DEFB131B: variants seen among roughly 807,000 people sequenced by gnomAD.
The protein encoded by DEFB131B is defensin beta 131B, also known as beta-defensin 131B.
Under a neutral mutation model 2.1 loss-of-function variants are expected in DEFB131B, and 2 were observed. That is an observed-to-expected ratio of 0.94 (90% CI 0.38 to 2.95). The LOEUF (loss-of-function observed/expected upper bound fraction) is 2.95. Ranked by LOEUF, DEFB131B falls within the 30% of genes most tolerant of loss-of-function variation. DEFB131B has a pLI of 0.09. For missense variants in DEFB131B, 77 were observed against 78.5 expected (o/e 0.98, Z 0.07); for synonymous variants, 26 against 25.8 (o/e 1.01, Z -0.03).
intron 1 of DEFB131B, among the ~76,000 whole-genome samples, chr11:71,883,345 A>G (rs181518865): frequency 1.0e-3 from 157 of 152,348 alleles, no homozygotes; most frequent in African/African-American, 3.4e-3. Context: ...AAAATGTATT[A>G]TAAAGATAGA....
chr11:71,883,270 G>A (rs377517915), intron 1 of DEFB131B, among the ~76,000 whole-genome samples: 4 of 151,872 alleles, frequency 2.6e-5, no homozygotes, highest in African/African-American at 9.7e-5. Context: ...AACCACAAAG[G>A]ACCCAGAATA....
intron 1 of DEFB131B, among the ~76,000 whole-genome samples, chr11:71,883,192 C>T (rs1193938257): frequency 6.6e-6 from 1 of 152,048 alleles, no homozygotes; most frequent in African/African-American, 2.4e-5. Flanking sequence ...AGATTATATA[C>T]AATCCCTATC....
At chr11:71,884,372 T>C in intron 1 of DEFB131B, 35 bp from the exon 2 acceptor site, 2 of 1,535,612 alleles carry the variant, frequency 1.3e-6, no homozygotes, top group Non-Finnish European at 8.8e-7. Flanking sequence ...AAGTAAGTAA[T>C]ATTGTGTCAT....
intron 1 of DEFB131B, among the ~76,000 whole-genome samples, chr11:71,881,042 C>T (rs369897235): frequency 6.6e-6 from 1 of 152,142 alleles, no homozygotes; most frequent in South Asian, 2.1e-4. Context: ...TTCTGTGGTA[C>T]AGATTAAATT....
At chr11:71,881,846 A>C (rs1296209158) in intron 1 of DEFB131B, among the ~76,000 whole-genome samples, 1 of 152,190 alleles carries the variant, frequency 6.6e-6, no homozygotes, top group Admixed American at 6.5e-5. Flanking sequence ...AAAAGAACAG[A>C]ATATTTAATA....
At chr11:71,881,476 G>A (rs1952561849) in intron 1 of DEFB131B, among the ~76,000 whole-genome samples, 1 of 152,066 alleles carries the variant, frequency 6.6e-6, no homozygotes, top group African/African-American at 2.4e-5. Context: ...TTCTCCTGAG[G>A]CCTGTCTTGG....
In DEFB131B at chr11:71,884,524, T is replaced by A; in HGVS notation, c.176T>A (p.Leu59Gln). 1 of 1,608,952 alleles carries A rather than the reference T, an allele frequency of 6.2e-7. No individual in the cohort carries two copies. Among genetic ancestry groups the A allele is most frequent in the Non-Finnish European group, 8.5e-7 (1 of 1,178,048 alleles). The change falls in exon 2 of 2, where the codon CTG becomes CAG. Residue 59 changes from leucine to glutamine, a missense_variant. Transcript: ENST00000530210. ...YCADFSICCK[L>Q]KIIQIDGQKK... ...GCTGACTTCAGCATCTGCTGCAAAC[T>A]GAAGATCATTCAAATTGATGGACAA...
chr11:71,881,460 T>C (rs1274523110), intron 1 of DEFB131B, among the ~76,000 whole-genome samples: 8 of 152,148 alleles, frequency 5.3e-5, no homozygotes, highest in South Asian at 2.1e-4. Flanking sequence ...CGTCAGCACA[T>C]TTGGTTTCTC....
At chr11:71,879,154 G>A (rs112425221) in intron 1 of DEFB131B, among the ~76,000 whole-genome samples, 6,801 of 148,964 alleles carry the variant, frequency 0.046, 518 homozygotes, top group African/African-American at 0.16. Context: ...AGAGGTGGAT[G>A]CTCCACCATA....
chr11:71,884,005 A>G lies in DEFB131B; in HGVS notation c.59-402A>G, dbSNP rs114999810. On this transcript the variant is annotated intron_variant, in intron 1 of 1. Coordinates refer to ENST00000530210, the MANE Select transcript of DEFB131B (RefSeq NM_001242853.1). ...TTTATCCATAATCTGCCTTCTCTTC[A>G]CTCTGTGATTCAAGGCCAACCCCTC... Among the ~76,000 whole-genome samples the G allele has an allele frequency of 4.8e-3, 728 of 152,104 alleles. 6 individuals carry two copies. The highest frequency in any genetic ancestry group is 0.017 in the African/African-American group (695 of 41,452).
At chr11:71,884,337 A>G in intron 1 of DEFB131B, 70 bp from the exon 2 acceptor site, 1 of 1,402,662 alleles carries the variant, frequency 7.1e-7, no homozygotes, top group East Asian at 2.6e-5. Context: ...TTTATTATAA[A>G]ACATTTCAGA....
chr11:71,881,157 G>C (rs1294094912), intron 1 of DEFB131B, among the ~76,000 whole-genome samples: 4 of 152,108 alleles, frequency 2.6e-5, no homozygotes, highest in Admixed American at 2.6e-4. Flanking sequence ...TCTCTCTTTA[G>C]CTCTAATGAC....
intron 1 of DEFB131B, among the ~76,000 whole-genome samples, chr11:71,879,764 C>A (rs1205780788): frequency 5.9e-5 from 9 of 152,070 alleles, no homozygotes; most frequent in Non-Finnish European, 2.9e-5. Flanking sequence ...CCTCCCAGTC[C>A]CTAGCAACCA....
chr11:71,879,822 T>A (rs1423316000), intron 1 of DEFB131B, among the ~76,000 whole-genome samples: 1 of 152,188 alleles, frequency 6.6e-6, no homozygotes, highest in Non-Finnish European at 1.5e-5. Flanking sequence ...GGACATTTAC[T>A]ATGAACAGAA....
intron 1 of DEFB131B, among the ~76,000 whole-genome samples, chr11:71,879,111 G>A (rs1353315418): frequency 3.3e-5 from 5 of 152,156 alleles, no homozygotes; most frequent in Non-Finnish European, 7.3e-5. Context: ...AAAATGAAAA[G>A]CGAATGAAGA....
intron 1 of DEFB131B, among the ~76,000 whole-genome samples, chr11:71,881,223 T>C (rs1952559628): frequency 6.6e-6 from 1 of 152,244 alleles, no homozygotes; most frequent in African/African-American, 2.4e-5. Flanking sequence ...TTTGGAATTT[T>C]TATATCCTCT....
chr11:71,878,827 C>CAA (rs201809792), intron 1 of DEFB131B, among the ~76,000 whole-genome samples: 1 of 120,232 alleles, frequency 8.3e-6, no homozygotes, highest in Non-Finnish European at 1.8e-5. Context: ...CCCATCTCTA[C>CAA]AAAAAAAAAA....
At chr11:71,881,354 A>G (rs569250970) in intron 1 of DEFB131B, among the ~76,000 whole-genome samples, 10 of 152,262 alleles carry the variant, frequency 6.6e-5, no homozygotes, top group African/African-American at 2.2e-4. Context: ...TTGCATTGCT[A>G]TAGGGTTATC....
chr11:71,879,354 TTAAA>T (rs1432416127), intron 1 of DEFB131B, among the ~76,000 whole-genome samples: 1 of 152,150 alleles, frequency 6.6e-6, no homozygotes, highest in Non-Finnish European at 1.5e-5. Flanking sequence ...AGCATATTTA[TTAAA>T]TAATCAATAT....
Sources: allele counts gnomAD v4.1 joint callset (sites outside exome capture counted in the v4.1 genomes callset), GRCh38; gene constraint gnomAD v4.1.1; transcripts MANE v1.5; gene names NCBI Gene and HGNC (gene_info 2026-07-23, HGNC 2026-07-21).